MAP3K4: variants seen among roughly 807,000 people sequenced by gnomAD.
The protein encoded by MAP3K4 is MAP three kinase 1.
MAP3K4 carries 67 observed loss-of-function variants against 185.6 expected under a neutral mutation model. That is an observed-to-expected ratio of 0.36 (90% confidence interval 0.30 to 0.44). The LOEUF (loss-of-function observed/expected upper bound fraction) is 0.44. Ranked by LOEUF, MAP3K4 falls within the 20% of genes least tolerant of loss-of-function variation. The probability of loss-of-function intolerance (pLI) is 1.00; values close to 1 mark genes in which losing one functional copy is unlikely to be tolerated. For synonymous variants in MAP3K4, 702 were observed against 710.4 expected (o/e 0.99, Z 0.19); for missense variants, 1,551 against 1,995.1 (o/e 0.78, Z 4.24).
chr6:161,041,188 C>A (rs1272937999), intron 2 of MAP3K4, among the ~76,000 whole-genome samples: 1 of 152,220 alleles, frequency 6.6e-6, no homozygotes, highest in Non-Finnish European at 1.5e-5. Flanking sequence ...ACCTCCAGCA[C>A]CTGCCCAAGG....
At chr6:161,036,881 G>C (rs1458941269) in intron 2 of MAP3K4, among the ~76,000 whole-genome samples, 1 of 152,036 alleles carries the variant, frequency 6.6e-6, no homozygotes, top group East Asian at 1.9e-4. Flanking sequence ...TTGGATTTGT[G>C]GTGCTTACTC....
intron 19 of MAP3K4, among the ~76,000 whole-genome samples, chr6:161,105,875 A>AC (rs775256091): frequency 4.8e-5 from 7 of 147,118 alleles, no homozygotes; most frequent in Non-Finnish European, 1.0e-4. Flanking sequence ...TTACTCTGTC[A>AC]CCCATGCTGG....
In MAP3K4 at chr6:161,098,338, T is replaced by C; in HGVS notation, c.3585T>C (p.Ala1195=). 1 of 1,613,232 alleles carries C rather than the reference T, an allele frequency of 6.2e-7. No homozygotes were observed. The highest frequency in any genetic ancestry group is 1.1e-5 in the South Asian group (1 of 91,022). Residue 1195 remains alanine (A), a synonymous_variant, in exon 17 of 27, where the codon GCT becomes GCC. Coordinates refer to ENST00000392142, the MANE Select transcript of MAP3K4 (RefSeq NM_005922.4). The surrounding 1 kb of genome is among the most constrained non-coding windows in gnomAD (Gnocchi z 4.4). ...SHGSPAAAAA[A]AAAAVAASRP... ...GCAGCCCTGCTGCTGCTGCTGCTGC[T>C]GCTGCTGCTGCTGTTGCTGCCAGTC...
At chr6:161,078,890 A>G (rs768400837) in intron 5 of MAP3K4, among the ~76,000 whole-genome samples, 69 of 152,262 alleles carry the variant, frequency 4.5e-4, no homozygotes, top group Non-Finnish European at 8.5e-4. Context: ...TTGCTTTCTA[A>G]AGAAGAATAT....
rs200666843 is a variant in MAP3K4 at position 161,102,816 on chromosome 6, A to C, written c.3856+37A>C. The C allele has an allele frequency of 5.0e-3, 7,089 of 1,408,744 alleles. 378 individuals carry two copies. In the African/African-American group the frequency reaches 0.091, roughly 18 times the overall value. 87.3% of individuals were successfully genotyped at this position (1,408,744 alleles called of 1,614,324 possible). On this transcript the variant is annotated intron_variant, in intron 19 of 26. Coordinates refer to ENST00000392142, the MANE Select transcript of MAP3K4 (RefSeq NM_005922.4). The stretch of plus-strand genomic sequence containing the variant: ...AGTGTTGAAGTTAAAAAAAAAAAAA[A>C]AAAAAAAACACGATTACACATAAGG...
chr6:161,091,369 G>A lies in MAP3K4; in HGVS notation c.2974-10G>A, dbSNP rs2114867239. The A allele has an allele frequency of 2.5e-6, 4 of 1,608,916 alleles. No individual in the cohort carries two copies. The South Asian group carries it at 3.3e-5, about 13-fold the overall frequency. ...TTCATTTTGCATTAATCATGGTTTG[G>A]ACTCTTCAGAATGATGCATTGGAGC... On this transcript the variant is annotated splice_polypyrimidine_tract_variant and intron_variant, in intron 11 of 26. Coordinates refer to ENST00000392142, the MANE Select transcript of MAP3K4 (RefSeq NM_005922.4). This position sits in a 1 kb window ranked among gnomAD's most constrained non-coding sequence, Gnocchi z 5.5.
chr6:161,042,496 T>C (rs1309717266), intron 2 of MAP3K4, among the ~76,000 whole-genome samples: 8 of 152,158 alleles, frequency 5.3e-5, no homozygotes, highest in Admixed American at 5.2e-4. Flanking sequence ...GTGTTAAGTT[T>C]AACACCACAG....
chr6:161,002,472 T>C (rs1781368308), intron 1 of MAP3K4, among the ~76,000 whole-genome samples: 1 of 152,106 alleles, frequency 6.6e-6, no homozygotes, highest in Non-Finnish European at 1.5e-5. Flanking sequence ...AAAAGTAACT[T>C]AATCAGTTAG....
chr6:161,042,090 T>TA (rs1783493870), intron 2 of MAP3K4, among the ~76,000 whole-genome samples: 1 of 151,912 alleles, frequency 6.6e-6, no homozygotes, highest in African/African-American at 2.4e-5. Flanking sequence ...TTTATGTGAT[T>TA]AAGTCAGGCC....
At chr6:161,026,944 C>T (rs1419990783) in intron 1 of MAP3K4, among the ~76,000 whole-genome samples, 2 of 151,814 alleles carry the variant, frequency 1.3e-5, no homozygotes, top group Non-Finnish European at 2.9e-5. Flanking sequence ...TCCATGTGGG[C>T]TAATTCGTCT....
chr6:161,065,979 C>T (rs1191783911), intron 3 of MAP3K4, among the ~76,000 whole-genome samples: 3 of 151,814 alleles, frequency 2.0e-5, no homozygotes, highest in Non-Finnish European at 4.4e-5. Context: ...GAATGGATAC[C>T]AGTTGAGCAT....
chr6:161,034,521 T>C lies in MAP3K4; in HGVS notation c.343+72T>C. On this transcript the variant is annotated intron_variant, in intron 2 of 26. Coordinates refer to ENST00000392142, the MANE Select transcript of MAP3K4 (RefSeq NM_005922.4). The surrounding 1 kb of genome is among the most constrained non-coding windows in gnomAD (Gnocchi z 4.4). ...TTGATTGATTCTTTCAACAATAAAG[T>C]TAGCAATTTCTTTTATTTTTAATTT... 7.9e-7 allele frequency: 1 copy of C among 1,265,782 alleles called. No homozygotes were observed. 78.4% of individuals were successfully genotyped at this position (1,265,782 alleles called of 1,614,324 possible).
At chr6:161,020,714 T>G (rs374675431) in intron 1 of MAP3K4, among the ~76,000 whole-genome samples, 1 of 151,788 alleles carries the variant, frequency 6.6e-6, no homozygotes, top group Admixed American at 6.6e-5. Context: ...TAATGAAAAT[T>G]TACATTCAAG....
intron 6 of MAP3K4, among the ~76,000 whole-genome samples, chr6:161,083,881 C>A (rs1785575206): frequency 6.6e-6 from 1 of 152,196 alleles, no homozygotes. Flanking sequence ...GCACTTACCT[C>A]CTGCTGCATC....
intron 3 of MAP3K4, among the ~76,000 whole-genome samples, chr6:161,060,511 TC>T (rs1473073054): frequency 1.3e-5 from 2 of 152,212 alleles, no homozygotes; most frequent in African/African-American, 4.8e-5. Flanking sequence ...ACTCCTTTTT[TC>T]ACAGTCCTTT....
In MAP3K4 at chr6:161,051,043, A is replaced by T. The variant is rs1381242307; in HGVS notation, c.1707+1064A>T. On this transcript the variant is annotated intron_variant, in intron 3 of 26. Coordinates refer to ENST00000392142, the MANE Select transcript of MAP3K4 (RefSeq NM_005922.4). The surrounding 1 kb of genome is among the most constrained non-coding windows in gnomAD (Gnocchi z 4.2). ...ATCTCGAGATTATGTGTAATGCCTT[A>T]TGTAATATAAATGCTGTGTAAATGG... Among the ~76,000 whole-genome samples the T allele has an allele frequency of 6.6e-6, 1 of 152,202 alleles. No homozygotes were observed. Among genetic ancestry groups the T allele is most frequent in the Non-Finnish European group, 1.5e-5 (1 of 68,040 alleles).
At chr6:161,029,430 T>C (rs1361300897) in intron 1 of MAP3K4, among the ~76,000 whole-genome samples, 4 of 152,188 alleles carry the variant, frequency 2.6e-5, no homozygotes, top group African/African-American at 4.8e-5. Flanking sequence ...TTTCACACAT[T>C]TTTCCTCTAA....
intron 1 of MAP3K4, among the ~76,000 whole-genome samples, chr6:161,011,655 A>T (rs1434335534): frequency 6.6e-6 from 1 of 152,194 alleles, no homozygotes; most frequent in African/African-American, 2.4e-5. Context: ...AAGCCCTTAG[A>T]GGTTTACTTG....
At chr6:161,042,098 GC>G (rs1462402129) in intron 2 of MAP3K4, among the ~76,000 whole-genome samples, 1 of 151,510 alleles carries the variant, frequency 6.6e-6, no homozygotes, top group Admixed American at 6.6e-5. Flanking sequence ...ATTAAGTCAG[GC>G]CCACTCAAGA....
Sources: gnomAD v4.1 joint callset for allele counts (sites outside exome capture counted in the v4.1 genomes callset) on GRCh38, gnomAD v4.1.1 for gene constraint, Gnocchi (gnomAD v3.1) non-coding constraint, MANE v1.5 for transcripts, NCBI Gene and HGNC (gene_info 2026-07-23, HGNC 2026-07-21) for gene names.